The following KCTD2 variants were observed in gnomAD, a reference collection of about 807,000 sequenced individuals.
KCTD2 encodes potassium channel tetramerization domain containing 2.
Under a neutral mutation model 27.9 loss-of-function variants are expected in KCTD2, and 18 were observed. That is an observed-to-expected ratio of 0.64 (90% confidence interval 0.45 to 0.96). The LOEUF is 0.96. Ranked by LOEUF, KCTD2 falls within the 40% of genes least tolerant of loss-of-function variation. The probability of loss-of-function intolerance (pLI) is 0.00; values close to 1 mark genes in which losing one functional copy is unlikely to be tolerated. For synonymous variants in KCTD2, 175 were observed against 148.4 expected, an observed-to-expected ratio of 1.18 and a Z score of -1.30; for missense variants, 280 against 348.0, an observed-to-expected ratio of 0.80 and a Z score of 1.56.
At chr17:75,037,213 G>A (rs2073111032) in intron 3 of KCTD2, among the ~76,000 whole-genome samples, 1 of 151,944 alleles carries the variant, frequency 6.6e-6, no homozygotes, top group South Asian at 2.1e-4. Flanking sequence ...GCGTGGTGGC[G>A]GGCGCCTGTA....
Position 75,060,520 on chromosome 17 carries a change from C to A in KCTD2, c.636+915C>A, listed in dbSNP as rs2073393743. 5 of 1,612,582 alleles carry A rather than the reference C, an allele frequency of 3.1e-6. No individual in the cohort carries two copies. In the South Asian group the frequency reaches 5.5e-5, roughly 18 times the overall value. ...CAGACAACAGCGCGACAGCCAAGAC[C>A]AGCTGCTCTTGATGCCCTTTTCACT... On this transcript the variant is annotated intron_variant, in intron 4 of 5. Coordinates refer to ENST00000322444, the MANE Select transcript of KCTD2 (RefSeq NM_015353.3).
At chr17:75,045,444 T>G (rs2073204181), upstream of KCTD2, among the ~76,000 whole-genome samples, 1 of 152,250 alleles carries the variant, frequency 6.6e-6, no homozygotes, top group South Asian at 2.1e-4. Flanking sequence ...GGGATCGCTA[T>G]GGGAGACTGG....
intron 3 of KCTD2, among the ~76,000 whole-genome samples, chr17:75,054,880 T>C (rs2073333897): frequency 6.6e-6 from 1 of 152,066 alleles, no homozygotes; most frequent in Non-Finnish European, 1.5e-5. Flanking sequence ...TTAGACTGTT[T>C]TAAGAAACTG....
At chr17:75,035,882 G>C (rs1261331070) in intron 3 of KCTD2, among the ~76,000 whole-genome samples, 1 of 152,112 alleles carries the variant, frequency 6.6e-6, no homozygotes, top group Non-Finnish European at 1.5e-5. Flanking sequence ...CTAGCCTCAA[G>C]GGCAGTGGGG....
chr17:75,043,715 C>G (rs913813641), upstream of KCTD2, among the ~76,000 whole-genome samples: 2 of 151,724 alleles, frequency 1.3e-5, no homozygotes, highest in Non-Finnish European at 2.9e-5. Flanking sequence ...TTAATAAAGA[C>G]ATTTCCACCC....
Position 75,032,732 on chromosome 17 carries a change from T to G in KCTD2, c.-470+8T>G, listed in dbSNP as rs1159207429. On this transcript the variant is annotated splice_region_variant and intron_variant, in intron 1 of 7. Transcript: ENST00000581589. The surrounding 1 kb of genome is among the most constrained non-coding windows in gnomAD (Gnocchi z 4.8). The stretch of plus-strand genomic sequence containing the variant: ...TAGGAACAGCTGAGCAAGGCAAGGC[T>G]GAGCCCCGGGCGGGCGGGTTGGGGG... The G allele has an allele frequency of 2.0e-5, 3 of 150,614 alleles. No individual in the cohort carries two copies. The highest frequency in any genetic ancestry group is 4.9e-5 in the African/African-American group (2 of 40,902). 9.3% of individuals were successfully genotyped at this position (150,614 alleles called of 1,614,324 possible).
At chr17:75,039,971 A>G (rs757690780) in intron 3 of KCTD2, 34 of 1,023,776 alleles carry the variant, frequency 3.3e-5, no homozygotes, top group Non-Finnish European at 4.9e-5. Flanking sequence ...TTTATTGACA[A>G]GTCATTCCTT....
At position 75,063,869 on chromosome 17, in the gene KCTD2, GTCTT is replaced by G. The variant is rs983564626; in HGVS notation, c.*823_*826del. On this transcript the variant is annotated 3_prime_UTR_variant, in exon 6 of 6. Transcript: ENST00000322444. ...CCTCTTCTTACTCCCCATTGACCCT[GTCTT>G]CCTTCCCTGGCTTTTTCAACTGGAC... 1.7e-4 allele frequency: 26 copies of G among 152,742 alleles called. No individual in the cohort carries two copies. Among genetic ancestry groups the G allele is most frequent in the African/African-American group, 6.0e-4 (25 of 41,462 alleles). 9.5% of individuals were successfully genotyped at this position (152,742 alleles called of 1,614,324 possible). A position where few individuals can be genotyped will look rare whatever the true frequency, so the allele number is the denominator to read the frequency against.
intron 3 of KCTD2, among the ~76,000 whole-genome samples, chr17:75,037,656 G>T (rs1378970778): frequency 2.0e-5 from 3 of 152,162 alleles, no homozygotes; most frequent in African/African-American, 7.2e-5. Context: ...ATTACTCTAT[G>T]ATCTACTACC....
At chr17:75,034,221 G>T (rs1024875407) in intron 2 of KCTD2, 1 of 152,188 alleles carries the variant, frequency 6.6e-6, no homozygotes, top group Admixed American at 6.5e-5. Context: ...TTGCCCAAAG[G>T]GTTCCCAGGA....
upstream of KCTD2, chr17:75,042,294 G>A (rs1283015843): frequency 7.4e-6 from 12 of 1,611,908 alleles, 1 homozygote; most frequent in Admixed American, 2.0e-4. Flanking sequence ...ACAAGGAAAG[G>A]CAAAAGTTAG....
rs2040078548 is a variant in KCTD2, at chr17:75,032,887, T to TCCAC, written c.-470+163_-470+164insCCAC. On this transcript the variant is annotated intron_variant, in intron 1 of 7. Coordinates refer to the KCTD2 transcript ENST00000581589. The surrounding 1 kb of genome is among the most constrained non-coding windows in gnomAD (Gnocchi z 4.8). ...TTAAAGGGGGGCATCCTCAAGGCAG[T>TCCAC]AAACTGGAGCCAAGTGGGTTAAATC... 6.6e-6 allele frequency: 1 copy of TCCAC among 152,240 alleles called. No homozygotes were observed. Among genetic ancestry groups the TCCAC allele is most frequent in the African/African-American group, 2.4e-5 (1 of 41,442 alleles). 9.4% of individuals were successfully genotyped at this position (152,240 alleles called of 1,614,324 possible). A position where few individuals can be genotyped will look rare whatever the true frequency, so the allele number is the denominator to read the frequency against.
intron 2 of KCTD2, among the ~76,000 whole-genome samples, chr17:75,050,392 G>A (rs2073272215): frequency 6.6e-6 from 1 of 151,958 alleles, no homozygotes; most frequent in African/African-American, 2.4e-5. Flanking sequence ...CTCCCAAGTA[G>A]CTGGGATTAC....
In KCTD2 at chr17:75,064,015, T is replaced by C. The variant is rs1295210567; in HGVS notation, c.*968T>C. On this transcript the variant is annotated 3_prime_UTR_variant, in exon 6 of 6. Transcript: ENST00000322444. The stretch of plus-strand genomic sequence containing the variant: ...GAGAGAGTTATTTCTGTGACTCTCT[T>C]GGAAATGCCTTGACTGAATGTGCAA... The C allele has an allele frequency of 6.5e-6, 1 of 152,806 alleles. No homozygotes were observed. Among genetic ancestry groups the C allele is most frequent in the African/African-American group, 2.4e-5 (1 of 41,458 alleles). 9.5% of individuals were successfully genotyped at this position (152,806 alleles called of 1,614,324 possible).
At chr17:75,049,045 C>G in intron 1 of KCTD2, 175 bp from the exon 2 acceptor site, 2 of 521,914 alleles carry the variant, frequency 3.8e-6, no homozygotes, top group Admixed American at 3.3e-5. Flanking sequence ...CTATAGCTTT[C>G]TTACCAATAG....
intron 3 of KCTD2, among the ~76,000 whole-genome samples, chr17:75,038,281 C>A (rs2073124051): frequency 6.6e-6 from 1 of 151,462 alleles, no homozygotes; most frequent in Admixed American, 6.6e-5. Context: ...ATTACAGGCG[C>A]CCCCCGCCCC....
Position 75,052,784 on chromosome 17 carries a change from C to T in KCTD2, c.449-230C>T, listed in dbSNP as rs113037769. On this transcript the variant is annotated intron_variant, in intron 2 of 5. Transcript: ENST00000322444. Reference sequence around the variant, plus strand: ...TGGTATGTGCCTGTAGTCCCAGCTACTTGGGAGACTGAGGCAAGAGAATCA... The same window carrying T: ...TGGTATGTGCCTGTAGTCCCAGCTATTTGGGAGACTGAGGCAAGAGAATCA... Among the ~76,000 whole-genome samples, 7 of 152,302 alleles carry T rather than the reference C, an allele frequency of 4.6e-5. 1 individual carries two copies. The highest frequency in any genetic ancestry group is 1.7e-4 in the African/African-American group (7 of 41,556).
chr17:75,051,428 G>T (rs2073285422), intron 2 of KCTD2, among the ~76,000 whole-genome samples: 1 of 151,550 alleles, frequency 6.6e-6, no homozygotes, highest in Non-Finnish European at 1.5e-5. Context: ...GGGATTACAG[G>T]TGCATGCCAC....
In KCTD2 at chr17:75,063,268, C is replaced by G. The variant is rs2073423008; in HGVS notation, c.*221C>G. The G allele has an allele frequency of 1.7e-6, 1 of 595,808 alleles. No individual in the cohort carries two copies. Among genetic ancestry groups the G allele is most frequent in the Admixed American group, 2.9e-5 (1 of 34,320 alleles). The allele number at this position is 595,808 out of a possible 1,614,324, so 36.9% of individuals were successfully genotyped here. On this transcript the variant is annotated 3_prime_UTR_variant, in exon 6 of 6. Transcript: ENST00000322444. ...GGCTGCAGAATACCTTTTCAGAAACCTGCTTTCATTTGCTTAGCCAGTATT... is the reference window on the plus strand; with the variant it reads ...GGCTGCAGAATACCTTTTCAGAAACGTGCTTTCATTTGCTTAGCCAGTATT...
Sources: allele counts gnomAD v4.1 joint callset (sites outside exome capture counted in the v4.1 genomes callset), GRCh38; gene constraint gnomAD v4.1.1; non-coding constraint Gnocchi (gnomAD v3.1); transcripts MANE v1.5; gene names NCBI Gene and HGNC (gene_info 2026-07-23, HGNC 2026-07-21).